Variants in DNAJC7 observed in about 807,000 individuals in gnomAD.
DNAJC7 encodes the protein dnaJ homolog subfamily C member 7.
A neutral mutation model predicts 67.4 loss-of-function variants in DNAJC7; 18 were observed. That is an observed-to-expected ratio of 0.27 (90% CI 0.18 to 0.40). The LOEUF (loss-of-function observed/expected upper bound fraction) is 0.40, where lower values mean the gene tolerates loss of function less well. DNAJC7 is among the 10% of genes least tolerant of loss of function. DNAJC7 has a pLI of 1.00. For synonymous variants in DNAJC7, 220 were observed against 207.8 expected (o/e 1.06, Z -0.50); for missense variants, 419 against 613.8 (o/e 0.68, Z 3.35).
rs1215607370 is a variant in DNAJC7 at position 41,988,963 on chromosome 17, C to T, written c.754-67G>A. ...AGCCTCAGACCATTGCACAGAGAGGCCAGACTCTATTTTCAAGTTCTTTGC... is the reference window on the plus strand; with the variant it reads ...AGCCTCAGACCATTGCACAGAGAGGTCAGACTCTATTTTCAAGTTCTTTGC... On this transcript the variant is annotated intron_variant, in intron 7 of 13. Coordinates refer to ENST00000457167, the MANE Select transcript of DNAJC7 (RefSeq NM_003315.4). 12 of 1,553,416 alleles carry T rather than the reference C, an allele frequency of 7.7e-6. 1 individual carries two copies. Among genetic ancestry groups the T allele is most frequent in the Admixed American group, 6.3e-5 (3 of 47,992 alleles).
At chr17:42,005,286 C>T (rs2143301744) in intron 1 of DNAJC7, among the ~76,000 whole-genome samples, 1 of 152,304 alleles carries the variant, frequency 6.6e-6, no homozygotes, top group South Asian at 2.1e-4. Flanking sequence ...CAACTTTGCA[C>T]ATTTACAGCT....
intron 1 of DNAJC7, among the ~76,000 whole-genome samples, chr17:42,006,776 AAC>A (rs2051970144): frequency 7.9e-6 from 1 of 126,304 alleles, no homozygotes. Context: ...CAGCCTGGGC[AAC>A]AGAGCAAGAC....
rs1567965778 is a variant in DNAJC7 at position 42,000,496 on chromosome 17, T to C, written c.152A>G (p.Tyr51Cys). The C allele has an allele frequency of 6.2e-7, 1 of 1,608,848 alleles. No individual in the cohort carries two copies. The highest frequency in any genetic ancestry group is 8.5e-7 in the Non-Finnish European group (1 of 1,176,836). ...TTCTTTCTCACCTATGGCTTTTGTA[T>C]AATAATTATAAGCTTCATTGTAATC... ...KKDYNEAYNY[Y>C]TKAIDMCPKN... Residue 51 changes from tyrosine to cysteine, a missense_variant, in exon 2 of 14, where the codon TAT becomes TGT. By Grantham distance (194) the Tyr-to-Cys change is radical. Coordinates refer to ENST00000457167, the MANE Select transcript of DNAJC7 (RefSeq NM_003315.4).
At chr17:42,016,136 C>T (rs573437306) in intron 1 of DNAJC7, 1 of 152,206 alleles carries the variant, frequency 6.6e-6, no homozygotes. Context: ...GGGCCTATTA[C>T]ACTTTGTCAG....
intron 6 of DNAJC7, 48 bp downstream of exon 6, chr17:41,990,216 G>A (rs782556213): frequency 6.5e-7 from 1 of 1,528,034 alleles, no homozygotes; most frequent in South Asian, 1.2e-5. Context: ...GACACCATCA[G>A]TCCAATGGTA....
rs782795947 is a variant in DNAJC7, at chr17:41,976,644, C to T, written c.*89G>A. 20 of 1,531,092 alleles carry T rather than the reference C, an allele frequency of 1.3e-5. No homozygotes were observed. The highest frequency in any genetic ancestry group is 6.8e-5 in the East Asian group (3 of 44,244). The allele number at this position is 1,531,092 out of a possible 1,614,324, so 94.8% of individuals were successfully genotyped here. ...CGAAACTGCTCTAAGCACACGGAGA[C>T]GTGATGAAGGGAGGAGGTGAACTGT... On this transcript the variant is annotated 3_prime_UTR_variant, in exon 14 of 14. Coordinates refer to ENST00000457167, the MANE Select transcript of DNAJC7 (RefSeq NM_003315.4).
chr17:42,003,509 T>C (rs1355953753), intron 1 of DNAJC7: 1 of 152,186 alleles, frequency 6.6e-6, no homozygotes, highest in African/African-American at 2.4e-5. Context: ...CTTGTTCAAG[T>C]TGCCTTTACA....
At chr17:42,000,815 C>T (rs1451779242) in intron 1 of DNAJC7, 2 of 298,166 alleles carry the variant, frequency 6.7e-6, no homozygotes, top group Non-Finnish European at 1.2e-5. Flanking sequence ...CAAGAAAACC[C>T]CTCTTATGTT....
At chr17:42,001,120 T>C (rs540811870) in intron 1 of DNAJC7, 1 of 152,596 alleles carries the variant, frequency 6.6e-6, no homozygotes, top group Non-Finnish European at 1.5e-5. Context: ...AAGCATAGCA[T>C]GTTGGTGTTT....
At chr17:42,008,841 G>C (rs1302192294) in intron 1 of DNAJC7, among the ~76,000 whole-genome samples, 1 of 152,210 alleles carries the variant, frequency 6.6e-6, no homozygotes, top group African/African-American at 2.4e-5. Context: ...CTGAGTAGCT[G>C]AGATTACAGG....
chr17:41,996,995 C>T (rs1232731534), intron 3 of DNAJC7, 120 bp downstream of exon 3: 22 of 1,489,706 alleles, frequency 1.5e-5, no homozygotes, highest in Middle Eastern at 1.8e-4. Context: ...AGTAAAGTCC[C>T]CCACAACAAA....
intron 12 of DNAJC7, among the ~76,000 whole-genome samples, chr17:41,981,155 G>T (rs2051239334): frequency 6.6e-6 from 1 of 152,032 alleles, no homozygotes; most frequent in Non-Finnish European, 1.5e-5. Flanking sequence ...GATTACAGGT[G>T]TGCACCACCA....
intron 12 of DNAJC7, 133 bp from the exon 13 acceptor site, chr17:41,977,456 C>T (rs782149692): frequency 3.6e-5 from 28 of 777,956 alleles, no homozygotes; most frequent in Non-Finnish European, 4.6e-5. Context: ...TTTCCCAACA[C>T]TTCAGACTGC....
Position 41,976,549 on chromosome 17 carries a change from C to A in DNAJC7, c.*184G>T, listed in dbSNP as rs566144086. ...TCCACCCCCGCCTCCCTCCCCTGCC[C>A]TCGGTCTTCGGCATTGGTTCCCTTT... is the stretch of plus-strand genomic sequence containing the variant. On this transcript the variant is annotated 3_prime_UTR_variant, in exon 14 of 14. Coordinates refer to ENST00000457167, the MANE Select transcript of DNAJC7 (RefSeq NM_003315.4). 14 of 680,138 alleles carry A rather than the reference C, an allele frequency of 2.1e-5. No individual in the cohort carries two copies. In the Middle Eastern group the frequency reaches 1.2e-3, roughly 59 times the overall value. 42.1% of individuals were successfully genotyped at this position (680,138 alleles called of 1,614,324 possible).
chr17:42,003,837 T>C (rs2051872031), intron 1 of DNAJC7, among the ~76,000 whole-genome samples: 1 of 151,664 alleles, frequency 6.6e-6, no homozygotes, highest in Non-Finnish European at 1.5e-5. Context: ...TTAAATATAA[T>C]ACCACAGCAA....
At chr17:42,016,855 C>CA (rs1432157284) in intron 1 of DNAJC7, 1 of 729,450 alleles carries the variant, frequency 1.4e-6, no homozygotes, top group Non-Finnish European at 1.7e-6. Context: ...TGGAGACACA[C>CA]AATCACTTCG....
rs2051619104 is a variant in DNAJC7, at chr17:41,995,034, A to G, written c.406-90T>C. On this transcript the variant is annotated intron_variant, in intron 4 of 13. Coordinates refer to ENST00000457167, the MANE Select transcript of DNAJC7 (RefSeq NM_003315.4). ...ATTAACAAGGCCTTGATGAATTTGA[A>G]TTCAGTAAATATACCACACTGCCTC... 6 of 1,087,758 alleles carry G rather than the reference A, an allele frequency of 5.5e-6. No homozygotes were observed. In the East Asian group the frequency reaches 9.5e-5, roughly 17 times the overall value. The allele number at this position is 1,087,758 out of a possible 1,614,324, so 67.4% of individuals were successfully genotyped here.
Position 42,000,483 on chromosome 17 carries a change from T to C in DNAJC7, c.165A>G (p.Ile55Met). The change falls in exon 2 of 14, where the codon ATA becomes ATG. Residue 55 changes from isoleucine (I) to methionine (M), a missense_variant and splice_region_variant. Physicochemically the swap from Ile to Met is conservative, Grantham distance 10 (BLOSUM62 1). Transcript: ENST00000457167. ...GCGTAAGTATCAGTTCTTTCTCACC[T>C]ATGGCTTTTGTATAATAATTATAAG... ...NEAYNYYTKA[I>M]DMCPKNASYY... The C allele has an allele frequency of 6.2e-7, 1 of 1,600,010 alleles. No individual in the cohort carries two copies. The highest frequency in any genetic ancestry group is 8.5e-7 in the Non-Finnish European group (1 of 1,170,684).
chr17:41,994,441 T>C (rs1351163851), intron 5 of DNAJC7, among the ~76,000 whole-genome samples: 5 of 132,164 alleles, frequency 3.8e-5, no homozygotes, highest in Non-Finnish European at 7.7e-5. Flanking sequence ...TGAGGCAGGA[T>C]AATCGTTTGA....
Sources: allele counts gnomAD v4.1 joint callset (sites outside exome capture counted in the v4.1 genomes callset), GRCh38; gene constraint gnomAD v4.1.1; transcripts MANE v1.5; gene names NCBI Gene and HGNC (gene_info 2026-07-23, HGNC 2026-07-21).